Variants in AGBL4 observed in about 807,000 individuals in gnomAD.
The protein encoded by AGBL4 is cytosolic carboxypeptidase 6.
Under a neutral mutation model 66.4 loss-of-function variants are expected in AGBL4, and 58 were observed. That is an observed-to-expected ratio of 0.87 (90% CI 0.71 to 1.09). The LOEUF (loss-of-function observed/expected upper bound fraction) is 1.09, where lower values mean the gene tolerates loss of function less well. Ranked by LOEUF, AGBL4 falls within the 50% of genes least tolerant of loss-of-function variation. AGBL4 has a pLI of 0.00. For synonymous variants in AGBL4, 234 were observed against 222.9 expected (o/e 1.05, Z -0.44); for missense variants, 579 against 631.0 (o/e 0.92, Z 0.88).
chr1:49,864,830 C>A (rs558400145), intron 1 of AGBL4, among the ~76,000 whole-genome samples: 1 of 152,158 alleles, frequency 6.6e-6, no homozygotes, highest in Non-Finnish European at 1.5e-5. Flanking sequence ...GTCATCACTG[C>A]GGCTGCCTGC....
At chr1:50,022,849 C>T (rs1162462232) in intron 1 of AGBL4, among the ~76,000 whole-genome samples, 1 of 152,166 alleles carries the variant, frequency 6.6e-6, no homozygotes, top group African/African-American at 2.4e-5. Context: ...CATTTAGAGG[C>T]AAACTCCCTC....
chr1:48,573,507 G>A (rs1644601846), intron 11 of AGBL4, among the ~76,000 whole-genome samples: 1 of 152,120 alleles, frequency 6.6e-6, no homozygotes, highest in South Asian at 2.1e-4. Flanking sequence ...ACTGAACCCT[G>A]GCTTTAGTCA....
intron 6 of AGBL4, among the ~76,000 whole-genome samples, chr1:48,729,634 G>A (rs1048615433): frequency 6.6e-6 from 1 of 151,764 alleles, no homozygotes; most frequent in Non-Finnish European, 1.5e-5. Flanking sequence ...GTAGGTATGG[G>A]GCAGAATCCA....
chr1:49,958,735 C>G (rs1408461686), intron 1 of AGBL4, among the ~76,000 whole-genome samples: 2 of 151,356 alleles, frequency 1.3e-5, no homozygotes, highest in African/African-American at 2.4e-5. Flanking sequence ...GGAGATATAC[C>G]TAATGTATAT....
chr1:48,727,087 A>G (rs925269757), intron 6 of AGBL4, among the ~76,000 whole-genome samples: 6 of 152,226 alleles, frequency 3.9e-5, no homozygotes, highest in African/African-American at 1.4e-4. Flanking sequence ...TTAGAGACTC[A>G]GTAACAGAAT....
chr1:48,970,543 T>G (rs1171320176), intron 5 of AGBL4, among the ~76,000 whole-genome samples: 3 of 152,220 alleles, frequency 2.0e-5, no homozygotes. Context: ...TACTGTTGCA[T>G]TATTCTTTTA....
chr1:48,548,398 C>A (rs1266107831), intron 11 of AGBL4, among the ~76,000 whole-genome samples: 1 of 152,182 alleles, frequency 6.6e-6, no homozygotes, highest in Non-Finnish European at 1.5e-5. Flanking sequence ...CACAATTAGG[C>A]TCTTGCTAAA....
chr1:48,725,873 G>A (rs1242369845), intron 6 of AGBL4, among the ~76,000 whole-genome samples: 1 of 152,182 alleles, frequency 6.6e-6, no homozygotes, highest in Non-Finnish European at 1.5e-5. Flanking sequence ...GCTCTTACAA[G>A]CATGATTCCT....
intron 3 of AGBL4, among the ~76,000 whole-genome samples, chr1:49,662,416 A>T (rs1303761079): frequency 1.3e-5 from 2 of 152,052 alleles, no homozygotes; most frequent in Admixed American, 6.6e-5. Flanking sequence ...GGCGAAGGGA[A>T]ACATCTTTTA....
chr1:48,880,674 T>TGGTA lies in AGBL4; in HGVS notation c.595-13448_595-13445dup, dbSNP rs1206223819. 3.9e-5 allele frequency among the ~76,000 whole-genome samples: 6 copies of TGGTA among 152,272 alleles called. No individual in the cohort carries two copies. The East Asian group carries it at 5.8e-4, about 15-fold the overall frequency. On this transcript the variant is annotated intron_variant, in intron 5 of 13. Coordinates refer to ENST00000371839, the MANE Select transcript of AGBL4 (RefSeq NM_032785.4). ...TATGGCCATTCTTGCAGGAGTAAGG[T>TGGTA]GGTATCACATTGTGGTTTTGATTTG...
intron 2 of AGBL4, among the ~76,000 whole-genome samples, chr1:49,781,658 A>G (rs1644340085): frequency 6.6e-6 from 1 of 152,174 alleles, no homozygotes; most frequent in Non-Finnish European, 1.5e-5. Flanking sequence ...CATTTCTAGC[A>G]TACTCCACCC....
intron 3 of AGBL4, among the ~76,000 whole-genome samples, chr1:49,247,198 A>G (rs1038079327): frequency 6.6e-6 from 1 of 152,128 alleles, no homozygotes; most frequent in Non-Finnish European, 1.5e-5. Context: ...TTCCAAGGGC[A>G]AAAAATAAAT....
chr1:48,973,885 C>T (rs1360590504), intron 5 of AGBL4, among the ~76,000 whole-genome samples: 3 of 152,050 alleles, frequency 2.0e-5, no homozygotes, highest in Non-Finnish European at 2.9e-5. Flanking sequence ...GAGATAGTAG[C>T]GTTGGGGTTT....
chr1:48,667,124 A>AT (rs1290083097), intron 6 of AGBL4, among the ~76,000 whole-genome samples: 1 of 152,158 alleles, frequency 6.6e-6, no homozygotes, highest in African/African-American at 2.4e-5. Context: ...ACATCGACAA[A>AT]TTCTTTGTTC....
At chr1:49,539,148 C>A (rs966671306) in intron 3 of AGBL4, among the ~76,000 whole-genome samples, 11 of 152,038 alleles carry the variant, frequency 7.2e-5, no homozygotes, top group African/African-American at 2.7e-4. Flanking sequence ...ATATTTATGA[C>A]ATAAAGTTGA....
chr1:49,308,399 T>TC (rs1644886254), intron 3 of AGBL4, among the ~76,000 whole-genome samples: 1 of 152,110 alleles, frequency 6.6e-6, no homozygotes, highest in African/African-American at 2.4e-5. Context: ...AATTGATACA[T>TC]TTCACTGTAA....
At chr1:49,743,882 C>T (rs368831048) in intron 2 of AGBL4, among the ~76,000 whole-genome samples, 2 of 127,160 alleles carry the variant, frequency 1.6e-5, no homozygotes, top group East Asian at 2.3e-4. Context: ...GGAAGGGGAA[C>T]ATCACACACC....
rs200929279 is a variant in AGBL4, at chr1:49,818,907, G to A, written c.157+32489C>T. Among the ~76,000 whole-genome samples the A allele has an allele frequency of 7.9e-5, 12 of 152,220 alleles. No individual in the cohort carries two copies. In the East Asian group the frequency reaches 1.7e-3, roughly 22 times the overall value. ...CAAGTCATCTGTGGCTAGCAAAACT[G>A]CAGGGACAAGGAAATGAGTGACACA... On this transcript the variant is annotated intron_variant, in intron 2 of 13. Transcript: ENST00000371839.
intron 1 of AGBL4, among the ~76,000 whole-genome samples, chr1:49,880,244 TTA>T (rs1647178550): frequency 6.6e-6 from 1 of 151,900 alleles, no homozygotes; most frequent in Non-Finnish European, 1.5e-5. Flanking sequence ...GCTCTGCGTT[TTA>T]GAGTTTCCAG....
Sources: gnomAD v4.1 joint callset for allele counts (sites outside exome capture counted in the v4.1 genomes callset) on GRCh38, gnomAD v4.1.1 for gene constraint, MANE v1.5 for transcripts, NCBI Gene and HGNC (gene_info 2026-07-23, HGNC 2026-07-21) for gene names.